Variants in SSR1 observed in about 807,000 individuals in gnomAD.
SSR1 encodes the protein translocon-associated protein subunit alpha.
In SSR1, 13 loss-of-function variants were observed where a neutral mutation model predicts 36.1. That is an observed-to-expected ratio of 0.36 (90% confidence interval 0.23 to 0.57). SSR1 has a LOEUF of 0.57. Ranked by LOEUF, SSR1 falls within the 20% of genes least tolerant of loss-of-function variation. The pLI is 0.81. For synonymous variants in SSR1, 113 were observed against 118.9 expected (o/e 0.95, Z 0.32); for missense variants, 291 against 338.5 (o/e 0.86, Z 1.10).
chr6:7,301,288 A>C, intron 4 of SSR1, 22 bp downstream of exon 4: 2 of 1,606,662 alleles, frequency 1.2e-6, no homozygotes, highest in Middle Eastern at 1.7e-4. Flanking sequence ...CTTAAACAAA[A>C]AGAAGGTTTA....
intron 2 of SSR1, 132 bp downstream of exon 2, chr6:7,309,785 T>C (rs1758147694): frequency 5.3e-6 from 4 of 757,688 alleles, no homozygotes; most frequent in South Asian, 1.5e-5. Context: ...CCAGTCATGC[T>C]GAACTGTGGG....
chr6:7,305,947 C>T lies in SSR1; in HGVS notation c.193-2310G>A, dbSNP rs1338784444. Reference sequence around the variant, plus strand: ...TGTATAACGCTTAGTATCTGCTACCCGGTAAAACTCCAGAATATTTCAGCT... The same window carrying T: ...TGTATAACGCTTAGTATCTGCTACCTGGTAAAACTCCAGAATATTTCAGCT... On this transcript the variant is annotated intron_variant, in intron 2 of 7. Transcript: ENST00000244763. Among the ~76,000 whole-genome samples the T allele has an allele frequency of 3.3e-5, 5 of 152,148 alleles. No individual in the cohort carries two copies. In the East Asian group the frequency reaches 5.8e-4, roughly 18 times the overall value.
At chr6:7,301,651 T>C in intron 3 of SSR1, 79 bp from the exon 4 acceptor site, 1 of 1,419,450 alleles carries the variant, frequency 7.0e-7, no homozygotes, top group Non-Finnish European at 9.5e-7. Flanking sequence ...TACTAATGGA[T>C]TCTGGCACCC....
At chr6:7,301,617 A>T (rs755752171) in intron 3 of SSR1, 45 bp from the exon 4 acceptor site, 75 of 1,549,940 alleles carry the variant, frequency 4.8e-5, no homozygotes, top group Non-Finnish European at 6.2e-5. Flanking sequence ...ACATGGAAAG[A>T]GCACAAAATA....
At chr6:7,303,675 A>C (rs1231380348) in intron 2 of SSR1, 38 bp from the exon 3 acceptor site, 2 of 1,453,158 alleles carry the variant, frequency 1.4e-6, no homozygotes. Flanking sequence ...TTACTATGGG[A>C]GAAAAAAAAA....
intron 2 of SSR1, among the ~76,000 whole-genome samples, chr6:7,308,604 C>T (rs1356698207): frequency 1.3e-5 from 2 of 152,200 alleles, no homozygotes; most frequent in Non-Finnish European, 2.9e-5. Context: ...AATATTCTTA[C>T]TGTTGTATTA....
At chr6:7,310,130 C>A in intron 1 of SSR1, 101 bp from the exon 2 acceptor site, 1 of 727,784 alleles carries the variant, frequency 1.4e-6, no homozygotes, top group South Asian at 1.7e-5. Context: ...CTTGGACTAA[C>A]AGAATCTCCC....
chr6:7,307,548 TA>T (rs1190407589), intron 2 of SSR1, among the ~76,000 whole-genome samples: 1 of 152,198 alleles, frequency 6.6e-6, no homozygotes, highest in Non-Finnish European at 1.5e-5. Context: ...CTTATTTATT[TA>T]ATTTTTTTTA....
intron 7 of SSR1, chr6:7,294,951 T>C: frequency 1.5e-6 from 1 of 669,772 alleles, no homozygotes; most frequent in Non-Finnish European, 2.3e-6. Flanking sequence ...TTTCAAGTTA[T>C]ACTGGGTAGT....
chr6:7,291,020 G>A (rs1757669068), intron 7 of SSR1, among the ~76,000 whole-genome samples: 1 of 152,088 alleles, frequency 6.6e-6, no homozygotes, highest in South Asian at 2.1e-4. Flanking sequence ...AAGTAGCTGG[G>A]ATTACAGGCA....
At chr6:7,310,224 ATTTTT>A (rs10633004) in intron 1 of SSR1, among the ~76,000 whole-genome samples, 195 bp from the exon 2 acceptor site, 13 of 139,376 alleles carry the variant, frequency 9.3e-5, no homozygotes, top group Admixed American at 5.1e-4. Context: ...CTGCATATCA[ATTTTT>A]TTTTTTTTTT....
At chr6:7,298,296 A>C (rs918533571) in intron 5 of SSR1, among the ~76,000 whole-genome samples, 1 of 152,226 alleles carries the variant, frequency 6.6e-6, no homozygotes, top group African/African-American at 2.4e-5. Flanking sequence ...GGAATATTAC[A>C]TTATTTTGCA....
chr6:7,281,701 G>A lies in SSR1; in HGVS notation c.*8163C>T, dbSNP rs1368917793. On this transcript the variant is annotated 3_prime_UTR_variant, in exon 8 of 8. Coordinates refer to ENST00000244763, the MANE Select transcript of SSR1 (RefSeq NM_003144.5). ...ACCTGTGTACAAAACACCATACTTGGGGCTATATGCGATTTCAGGTTGGAT... is the reference window on the plus strand; with the variant it reads ...ACCTGTGTACAAAACACCATACTTGAGGCTATATGCGATTTCAGGTTGGAT... 6.6e-6 allele frequency: 1 copy of A among 152,140 alleles called. No homozygotes were observed. Among genetic ancestry groups the A allele is most frequent in the Admixed American group, 6.6e-5 (1 of 15,260 alleles). 9.4% of individuals were successfully genotyped at this position (152,140 alleles called of 1,614,324 possible).
intron 5 of SSR1, 111 bp from the exon 6 acceptor site, chr6:7,298,112 A>C: frequency 1.3e-6 from 1 of 759,516 alleles, no homozygotes; most frequent in Non-Finnish European, 2.1e-6. Context: ...ACTTGTGGCG[A>C]AAAGGAATAA....
chr6:7,297,156 G>A (rs761798927), intron 6 of SSR1: 2 of 320,038 alleles, frequency 6.2e-6, no homozygotes, highest in South Asian at 4.4e-5. Flanking sequence ...GAAGGCGGAG[G>A]TTGCAGTAAG....
chr6:7,305,775 A>C (rs1039529145), intron 2 of SSR1, among the ~76,000 whole-genome samples: 3 of 152,138 alleles, frequency 2.0e-5, no homozygotes, highest in Non-Finnish European at 4.4e-5. Context: ...TTCATGCTTG[A>C]TGGCCTTCTT....
intron 2 of SSR1, among the ~76,000 whole-genome samples, chr6:7,306,697 A>G (rs2113297855): frequency 6.6e-6 from 1 of 151,408 alleles, no homozygotes; most frequent in Admixed American, 6.6e-5. Flanking sequence ...CGGGCGGATC[A>G]CGAGGTCAGG....
rs1757554936 is a variant in SSR1 at position 7,286,407 on chromosome 6, GTTC to G, written c.*3454_*3456del. On this transcript the variant is annotated 3_prime_UTR_variant, in exon 8 of 8. Transcript: ENST00000244763. ...GATGTTTGCAAGTCAGCTGCAAGGT[GTTC>G]TTCCTCCTCAAATATCCTCTAAGGA... 7 of 152,220 alleles carry G rather than the reference GTTC, an allele frequency of 4.6e-5. No individual in the cohort carries two copies. Among genetic ancestry groups the G allele is most frequent in the Admixed American group, 2.0e-4 (3 of 15,288 alleles). 9.4% of individuals were successfully genotyped at this position (152,220 alleles called of 1,614,324 possible). A position where few individuals can be genotyped will look rare whatever the true frequency, so the allele number is the denominator to read the frequency against.
At chr6:7,305,376 A>G (rs1420762538) in intron 2 of SSR1, among the ~76,000 whole-genome samples, 1 of 152,260 alleles carries the variant, frequency 6.6e-6, no homozygotes, top group Non-Finnish European at 1.5e-5. Flanking sequence ...TTAGGCAATT[A>G]GGTTGCTGGT....
Sources: allele counts gnomAD v4.1 joint callset (sites outside exome capture counted in the v4.1 genomes callset), GRCh38; gene constraint gnomAD v4.1.1; transcripts MANE v1.5; gene names NCBI Gene and HGNC (gene_info 2026-07-23, HGNC 2026-07-21).